COL4A6: variants seen among roughly 807,000 people sequenced by gnomAD.
The protein encoded by COL4A6 is collagen alpha-6(IV) chain.
COL4A6 carries 59 observed loss-of-function variants against 126.7 expected under a neutral mutation model. The observed-to-expected ratio is 0.47, with a 90% CI of 0.38 to 0.58. The LOEUF is 0.58. Among genes scored for constraint, COL4A6 ranks in the 20% least tolerant of loss-of-function variants. The pLI is 0.00. For synonymous variants in COL4A6, 547 were observed against 496.6 expected (o/e 1.10, Z -1.35); for missense variants, 1,285 against 1,337.3 (o/e 0.96, Z 0.61).
chrX:108,423,748 A>C (rs1455175385), intron 2 of COL4A6, among the ~76,000 whole-genome samples: 2 of 112,091 alleles, frequency 1.8e-5, no homozygotes, highest in African/African-American at 6.5e-5. Flanking sequence ...TTTTTTGTAC[A>C]TATAACTCCC....
At chrX:108,196,803 C>T (rs1383349947) in intron 13 of COL4A6, among the ~76,000 whole-genome samples, 1 of 112,210 alleles carries the variant, frequency 8.9e-6, no homozygotes, top group African/African-American at 3.2e-5. Flanking sequence ...TCCCCCTACC[C>T]ACAACACTGT....
chrX:108,273,332 C>T (rs1602976073), intron 3 of COL4A6, among the ~76,000 whole-genome samples: 1 of 109,519 alleles, frequency 9.1e-6, no homozygotes, highest in East Asian at 2.9e-4. Flanking sequence ...CAGGAAACAG[C>T]AGGTGCTGGA....
At chrX:108,319,247 G>A (rs764081730) in intron 2 of COL4A6, among the ~76,000 whole-genome samples, 1 of 112,318 alleles carries the variant, frequency 8.9e-6, no homozygotes, top group Admixed American at 9.4e-5. Context: ...GCATGTGCCT[G>A]TAGTCCCAGC....
At chrX:108,233,227 A>T (rs891709017) in intron 3 of COL4A6, among the ~76,000 whole-genome samples, 1 of 112,218 alleles carries the variant, frequency 8.9e-6, no homozygotes, top group Non-Finnish European at 1.9e-5. Flanking sequence ...TTCACTTCAG[A>T]GCGATTTTTG....
chrX:108,175,513 A>T, intron 29 of COL4A6, 141 bp downstream of exon 29: 2 of 692,000 alleles, frequency 2.9e-6, no homozygotes, highest in Non-Finnish European at 4.3e-6. Context: ...CTTTTGGTTT[A>T]AAAGGACTTA....
At chrX:108,340,638 G>A (rs190513984) in intron 2 of COL4A6, among the ~76,000 whole-genome samples, 1 of 110,538 alleles carries the variant, frequency 9.0e-6, no homozygotes, top group Non-Finnish European at 1.9e-5. Flanking sequence ...TAAGATGTAA[G>A]TAAAATGAAT....
intron 3 of COL4A6, among the ~76,000 whole-genome samples, chrX:108,227,678 T>C (rs1231870656): frequency 8.9e-6 from 1 of 111,850 alleles, no homozygotes; most frequent in Non-Finnish European, 1.9e-5. Flanking sequence ...ACCAAGGATA[T>C]ATCATAATAG....
At chrX:108,366,633 T>C (rs758018489) in intron 2 of COL4A6, among the ~76,000 whole-genome samples, 6 of 112,028 alleles carry the variant, frequency 5.4e-5, no homozygotes, top group African/African-American at 1.3e-4. Flanking sequence ...CACCTGCTAA[T>C]ATATTTCATT....
intron 3 of COL4A6, among the ~76,000 whole-genome samples, chrX:108,239,352 A>T (rs1261872263): frequency 8.9e-6 from 1 of 112,180 alleles, no homozygotes; most frequent in Non-Finnish European, 1.9e-5. Flanking sequence ...TCCAGAGGTC[A>T]CCTTTGTATG....
intron 29 of COL4A6, 93 bp from the exon 30 acceptor site, chrX:108,175,308 A>G: frequency 9.8e-7 from 1 of 1,023,288 alleles, no homozygotes; most frequent in South Asian, 2.8e-5. Flanking sequence ...ATACCACCAC[A>G]GCCCTCTTTT....
chrX:108,357,830 C>T (rs1370135998), intron 2 of COL4A6, among the ~76,000 whole-genome samples: 5 of 111,007 alleles, frequency 4.5e-5, no homozygotes, highest in Middle Eastern at 4.6e-3. Context: ...CTAGCAGTTA[C>T]GTATATGTTG....
chrX:108,331,746 T>C (rs2147975111), intron 2 of COL4A6, among the ~76,000 whole-genome samples: 1 of 111,640 alleles, frequency 9.0e-6, no homozygotes, highest in South Asian at 3.8e-4. Flanking sequence ...ACAGAATTGC[T>C]ACTTTGTCAG....
rs1275464912 is a variant in COL4A6, at chrX:108,168,326, C to T, written c.3691+1169G>A. ...TTGAGCCCTTCCTCTGGAGAAGCTG[C>T]TGGCTTTCAGAAAAGAACAGTTTGG... On this transcript the variant is annotated intron_variant, in intron 37 of 44. Transcript: ENST00000334504. Among the ~76,000 whole-genome samples, 3 of 112,068 alleles carry T rather than the reference C, an allele frequency of 2.7e-5. No homozygotes were observed. The Admixed American group carries it at 2.8e-4, about 11-fold the overall frequency.
chrX:108,162,744 C>T, intron 41 of COL4A6, 148 bp downstream of exon 41: 1 of 649,587 alleles, frequency 1.5e-6, no homozygotes, highest in Non-Finnish European at 2.3e-6. Flanking sequence ...GGCCCTTCTT[C>T]TCCCCAACAG....
chrX:108,423,362 A>C (rs1569463333), intron 2 of COL4A6, among the ~76,000 whole-genome samples: 2 of 112,116 alleles, frequency 1.8e-5, no homozygotes, highest in African/African-American at 3.2e-5. Context: ...GATTTAATTA[A>C]CACTTGCTGA....
intron 2 of COL4A6, chrX:108,383,323 C>T: frequency 4.2e-6 from 1 of 237,145 alleles, no homozygotes; most frequent in South Asian, 9.5e-5. Context: ...GTCAACCCAT[C>T]AGAAAGACAT....
At chrX:108,366,871 T>G (rs2040208510) in intron 2 of COL4A6, among the ~76,000 whole-genome samples, 5 of 112,291 alleles carry the variant, frequency 4.5e-5, no homozygotes, top group African/African-American at 1.6e-4. Flanking sequence ...GCTATGGGAC[T>G]AATAGTGTAT....
intron 23 of COL4A6, among the ~76,000 whole-genome samples, chrX:108,182,574 G>A (rs946342133): frequency 1.2e-4 from 14 of 112,233 alleles, no homozygotes; most frequent in African/African-American, 4.2e-4. Context: ...TGCTCTACAG[G>A]TCAACACTTT....
chrX:108,175,786 A>G lies in COL4A6; in HGVS notation c.2698T>C (p.Ser900Pro), dbSNP rs2034467948. The change falls in exon 29 of 45, where the codon TCT becomes CCT. Residue 900 changes from serine (S) to proline (P), a missense_variant. Ser to Pro is a moderately conservative substitution (Grantham distance 74, BLOSUM62 -1). Transcript: ENST00000334504. Reference sequence around the variant, plus strand: ...CCTGGAAAACCTACGAATCCAACAGACCCCTTCTCTCCTGTTGAAAAACAA... The same window carrying G: ...CCTGGAAAACCTACGAATCCAACAGGCCCCTTCTCTCCTGTTGAAAAACAA... ...ALSGPKGEKG[S>P]VGFVGFPGIP... 3 of 1,190,090 alleles carry G rather than the reference A, an allele frequency of 2.5e-6. No homozygotes were observed. In the East Asian group the frequency reaches 9.0e-5, roughly 36 times the overall value.
Sources: gnomAD v4.1 joint callset for allele counts (sites outside exome capture counted in the v4.1 genomes callset) on GRCh38, gnomAD v4.1.1 for gene constraint, MANE v1.5 for transcripts, NCBI Gene and HGNC (gene_info 2026-07-23, HGNC 2026-07-21) for gene names.